PRKCA: variants seen among roughly 807,000 people sequenced by gnomAD.
PRKCA encodes the protein protein kinase C alpha.
In PRKCA, 27 loss-of-function variants were observed where a neutral mutation model predicts 87.0. That is an observed-to-expected ratio of 0.31 (90% CI 0.23 to 0.43). The LOEUF (loss-of-function observed/expected upper bound fraction) is 0.43. PRKCA is among the 20% of genes least tolerant of loss of function. The probability of loss-of-function intolerance (pLI) is 1.00; values close to 1 mark genes in which losing one functional copy is unlikely to be tolerated. For synonymous variants in PRKCA, 329 were observed against 311.1 expected (o/e 1.06, Z -0.61); for missense variants, 518 against 852.3 (o/e 0.61, Z 4.88).
intron 16 of PRKCA, among the ~76,000 whole-genome samples, chr17:66,795,644 T>C (rs1292623382): frequency 6.6e-6 from 1 of 152,216 alleles, no homozygotes. Flanking sequence ...TCTGGGAGCT[T>C]CAATGATGAG....
intron 2 of PRKCA, among the ~76,000 whole-genome samples, chr17:66,402,933 C>G (rs1057292572): frequency 6.6e-6 from 1 of 152,146 alleles, no homozygotes; most frequent in African/African-American, 2.4e-5. Flanking sequence ...AATATTGGAG[C>G]CTGTCCTGGC....
chr17:66,420,002 CTTTT>C (rs558522698), intron 2 of PRKCA, among the ~76,000 whole-genome samples: 1 of 113,712 alleles, frequency 8.8e-6, no homozygotes, highest in Non-Finnish European at 1.9e-5. Context: ...GGGTTGTGTT[CTTTT>C]TTTTTTTTTT....
At chr17:66,653,169 G>A (rs760061659) in intron 5 of PRKCA, among the ~76,000 whole-genome samples, 25 of 152,254 alleles carry the variant, frequency 1.6e-4, no homozygotes, top group Non-Finnish European at 2.9e-4. Flanking sequence ...GGGGCTGCCT[G>A]GGATTGGGAG....
At chr17:66,784,328 T>C (rs1338734620) in intron 14 of PRKCA, among the ~76,000 whole-genome samples, 4 of 152,182 alleles carry the variant, frequency 2.6e-5, no homozygotes, top group Non-Finnish European at 2.9e-5. Flanking sequence ...TCAGTGCAAC[T>C]TCCGCCTCCT....
intron 5 of PRKCA, among the ~76,000 whole-genome samples, chr17:66,648,717 A>G (rs139586274): frequency 8.5e-5 from 13 of 152,294 alleles, no homozygotes; most frequent in Admixed American, 6.5e-4. Flanking sequence ...CACACAGTAC[A>G]GAGTTCTCGT....
chr17:66,502,533 C>A (rs1416138409), intron 3 of PRKCA, among the ~76,000 whole-genome samples: 2 of 152,012 alleles, frequency 1.3e-5, no homozygotes, highest in African/African-American at 2.4e-5. Context: ...CTGTGTCTGG[C>A]CCTTTTTAAA....
At chr17:66,437,731 T>TTTTTTTTTTTGTGG (rs55779501) in intron 2 of PRKCA, among the ~76,000 whole-genome samples, 2 of 11,164 alleles carry the variant, frequency 1.8e-4, no homozygotes, top group East Asian at 2.1e-3. Context: ...TTTTTTTTTT[T>TTTTTTTTTTTGTGG]GAGCGGGGGG....
chr17:66,351,228 T>C (rs1231148799), intron 2 of PRKCA, among the ~76,000 whole-genome samples: 4 of 152,202 alleles, frequency 2.6e-5, no homozygotes, highest in Admixed American at 2.6e-4. Flanking sequence ...CATGAAGTGT[T>C]AGCACTGTTC....
chr17:66,666,275 A>G (rs1458674757), intron 5 of PRKCA, among the ~76,000 whole-genome samples: 1 of 152,152 alleles, frequency 6.6e-6, no homozygotes, highest in Non-Finnish European at 1.5e-5. Context: ...GATGTGATAA[A>G]TGTTGGATGG....
intron 2 of PRKCA, among the ~76,000 whole-genome samples, chr17:66,494,848 A>T (rs1049719500): frequency 6.6e-6 from 1 of 152,176 alleles, no homozygotes; most frequent in East Asian, 1.9e-4. Flanking sequence ...AACGCCTACA[A>T]TCCCAGCACT....
At chr17:66,703,145 A>C (rs1973102426) in intron 8 of PRKCA, among the ~76,000 whole-genome samples, 1 of 152,232 alleles carries the variant, frequency 6.6e-6, no homozygotes, top group African/African-American at 2.4e-5. Context: ...CTTAGCCTAC[A>C]GTAACTATTT....
Position 66,504,616 on chromosome 17 carries a change from T to G in PRKCA, c.288+8333T>G, listed in dbSNP as rs1255840529. On this transcript the variant is annotated intron_variant, in intron 3 of 16. Transcript: ENST00000413366. ...TCAAAAAAGAAAAAAAAAAAAAGAT[T>G]GCACAGGGTAGGTGCCATAAGTGGG... 3.3e-5 allele frequency among the ~76,000 whole-genome samples: 5 copies of G among 150,848 alleles called. No homozygotes were observed. The East Asian group carries it at 7.7e-4, about 23-fold the overall frequency.
chr17:66,417,151 C>T (rs1190715913), intron 2 of PRKCA, among the ~76,000 whole-genome samples: 2 of 152,046 alleles, frequency 1.3e-5, no homozygotes, highest in Middle Eastern at 3.4e-3. Flanking sequence ...CCATTTGCCT[C>T]GGCCTCCCAA....
chr17:66,644,602 C>T (rs751393509), intron 4 of PRKCA, among the ~76,000 whole-genome samples: 6 of 151,988 alleles, frequency 3.9e-5, no homozygotes, highest in African/African-American at 7.3e-5. Context: ...TCATGCTAGG[C>T]GGGTATTTGT....
intron 8 of PRKCA, among the ~76,000 whole-genome samples, chr17:66,691,186 C>T (rs1192578336): frequency 6.6e-6 from 1 of 152,040 alleles, no homozygotes; most frequent in African/African-American, 2.4e-5. Flanking sequence ...GTCAAATATG[C>T]ATCTATTGCT....
chr17:66,808,842 C>T lies in PRKCA; in HGVS notation c.*4805C>T, dbSNP rs1010668156. ...TCTCCTGCCTCAGCCTCCCAAGTAC[C>T]TGGGACTACAGGTGCGTGCCACCAC... On this transcript the variant is annotated 3_prime_UTR_variant, in exon 17 of 17. Transcript: ENST00000413366. 4 of 152,558 alleles carry T rather than the reference C, an allele frequency of 2.6e-5. 1 individual carries two copies. Among genetic ancestry groups the T allele is most frequent in the Admixed American group, 1.3e-4 (2 of 15,306 alleles). 9.5% of individuals were successfully genotyped at this position (152,558 alleles called of 1,614,324 possible). A position where few individuals can be genotyped will look rare whatever the true frequency, so the allele number is the denominator to read the frequency against.
intron 2 of PRKCA, among the ~76,000 whole-genome samples, chr17:66,472,695 G>C (rs566747619): frequency 3.9e-5 from 6 of 152,268 alleles, no homozygotes; most frequent in African/African-American, 1.2e-4. Flanking sequence ...GCCCACCTCT[G>C]CTGAGCCACC....
intron 2 of PRKCA, among the ~76,000 whole-genome samples, chr17:66,385,994 A>T (rs1328404271): frequency 6.6e-6 from 1 of 151,382 alleles, no homozygotes; most frequent in Non-Finnish European, 1.5e-5. Context: ...TCCTGACCTC[A>T]GGCGATCCGC....
At chr17:66,746,241 T>C (rs1281679893) in intron 13 of PRKCA, among the ~76,000 whole-genome samples, 1 of 141,662 alleles carries the variant, frequency 7.1e-6, no homozygotes, top group Non-Finnish European at 1.5e-5. Flanking sequence ...CAGCCTCAAC[T>C]TCCTGGGCTC....
Sources: allele counts gnomAD v4.1 joint callset (sites outside exome capture counted in the v4.1 genomes callset), GRCh38; gene constraint gnomAD v4.1.1; transcripts MANE v1.5; gene names NCBI Gene and HGNC (gene_info 2026-07-23, HGNC 2026-07-21).